HMCN1: variants seen among roughly 807,000 people sequenced by gnomAD.
HMCN1 encodes hemicentin 1, also known as hemicentin-1.
Under a neutral mutation model 625.9 loss-of-function variants are expected in HMCN1, and 321 were observed. The ratio of observed to expected loss-of-function variants is 0.51; its 90% CI spans 0.47 to 0.56. HMCN1 has a LOEUF of 0.56. Among genes scored for constraint, HMCN1 ranks in the 20% least tolerant of loss-of-function variants. The pLI, the probability that HMCN1 is intolerant of heterozygous loss-of-function variation, is 0.00. For synonymous variants in HMCN1, 2,425 were observed against 2,417.6 expected (o/e 1.00, Z -0.09); for missense variants, 6,588 against 6,887.3 (o/e 0.96, Z 1.54).
intron 1 of HMCN1, among the ~76,000 whole-genome samples, chr1:185,744,721 C>G (rs550576532): frequency 2.6e-5 from 4 of 152,296 alleles, no homozygotes; most frequent in Admixed American, 2.6e-4. Context: ...CAAAGGTTTT[C>G]TGGAATAATT....
At chr1:186,015,090 T>C (rs1654271301) in intron 30 of HMCN1, 69 bp from the exon 31 acceptor site, 4 of 1,336,272 alleles carry the variant, frequency 3.0e-6, no homozygotes, top group Non-Finnish European at 4.3e-6. Flanking sequence ...TAAACATCTA[T>C]AGCATTTAAG....
At chr1:185,744,050 G>A (rs1284310889) in intron 1 of HMCN1, among the ~76,000 whole-genome samples, 1 of 143,814 alleles carries the variant, frequency 7.0e-6, no homozygotes, top group East Asian at 2.0e-4. Context: ...GTGCAGTGGC[G>A]CAATCTCGGC....
At chr1:185,767,252 G>A (rs1329065166) in intron 1 of HMCN1, among the ~76,000 whole-genome samples, 2 of 152,026 alleles carry the variant, frequency 1.3e-5, no homozygotes, top group Admixed American at 1.3e-4. Flanking sequence ...TTCAGTGTCC[G>A]CATCCAACTG....
chr1:185,825,310 T>G (rs1660448979), intron 1 of HMCN1, among the ~76,000 whole-genome samples: 1 of 152,178 alleles, frequency 6.6e-6, no homozygotes, highest in Admixed American at 6.5e-5. Context: ...ATTCAGTGCT[T>G]TTTCTATTAT....
intron 11 of HMCN1, among the ~76,000 whole-genome samples, chr1:185,961,177 G>T (rs1649993092): frequency 6.6e-6 from 1 of 152,196 alleles, no homozygotes; most frequent in South Asian, 2.1e-4. Context: ...GCACTAATTA[G>T]CTTCCTTCAG....
In HMCN1 at chr1:186,137,672, C is replaced by T. The variant is rs200482406; in HGVS notation, c.13753+4C>T. 2 of 1,614,028 alleles carry T rather than the reference C, an allele frequency of 1.2e-6. No individual in the cohort carries two copies. The highest frequency in any genetic ancestry group is 1.7e-6 in the Non-Finnish European group (2 of 1,179,960). ...TGTCAAAATAAGCCTTGTCCAGGTA[C>T]ACCTCCTTATTTAACTGATAGGCAT... On this transcript the variant is annotated splice_donor_region_variant and intron_variant, in intron 88 of 106. Coordinates refer to ENST00000271588, the MANE Select transcript of HMCN1 (RefSeq NM_031935.3).
In HMCN1 at chr1:186,172,120, G is replaced by A. The variant is rs1268344564; in HGVS notation, c.15803G>A (p.Gly5268Glu). The change falls in exon 102 of 107, where the codon GGA (glycine) becomes GAA (glutamate). Residue 5268 changes from glycine (G) to glutamate (E), a missense_variant. Physicochemically the swap from Gly to Glu is moderately conservative, Grantham distance 98 (BLOSUM62 -2). Coordinates refer to ENST00000271588, the MANE Select transcript of HMCN1 (RefSeq NM_031935.3). Reference sequence around the variant, plus strand: ...AATGGAATGACCAAGGCAGAAAATGGAACCTGTATTGGTGAGTGTCTGGCT... The same window carrying A: ...AATGGAATGACCAAGGCAGAAAATGAAACCTGTATTGGTGAGTGTCTGGCT... ...CPNGMTKAEN[G>E]TCIDIDECKD... The A allele has an allele frequency of 8.1e-6, 13 of 1,613,764 alleles. No homozygotes were observed. The highest frequency in any genetic ancestry group is 1.1e-5 in the Non-Finnish European group (13 of 1,179,696).
Position 186,178,499 on chromosome 1 carries a change from CCA to C in HMCN1, c.16028_16029del (p.Pro5343ArgfsTer26). On this transcript the variant is annotated frameshift_variant, in exon 104 of 107. Coordinates refer to ENST00000271588, the MANE Select transcript of HMCN1 (RefSeq NM_031935.3). LOFTEE classifies it high-confidence loss of function. ...TPGSFKCICP[P>X]GQHLLGDGKS... ...CGGCAGCTTCAAGTGTATCTGTCCACCAGGACAACATTTATTAGGGGACGGGA... is the reference window on the plus strand; with the variant it reads ...CGGCAGCTTCAAGTGTATCTGTCCACGGACAACATTTATTAGGGGACGGGA... 5 of 1,614,056 alleles carry C rather than the reference CCA, an allele frequency of 3.1e-6. No homozygotes were observed. The highest frequency in any genetic ancestry group is 4.2e-6 in the Non-Finnish European group (5 of 1,179,960).
At chr1:185,901,152 T>C (rs1300927511) in intron 4 of HMCN1, among the ~76,000 whole-genome samples, 1 of 151,910 alleles carries the variant, frequency 6.6e-6, no homozygotes, top group Non-Finnish European at 1.5e-5. Flanking sequence ...ATATTCTAAA[T>C]GGGGGTTGCA....
At chr1:186,068,350 T>C (rs186563822) in intron 50 of HMCN1, among the ~76,000 whole-genome samples, 1 of 152,278 alleles carries the variant, frequency 6.6e-6, no homozygotes, top group Non-Finnish European at 1.5e-5. Flanking sequence ...TAACTCTCCT[T>C]CAAAGTTTAA....
intron 24 of HMCN1, among the ~76,000 whole-genome samples, chr1:185,996,733 AT>A (rs930396493): frequency 3.9e-5 from 6 of 152,130 alleles, no homozygotes; most frequent in Non-Finnish European, 5.9e-5. Context: ...GACGGATTGG[AT>A]ATGAGAGTGA....
At chr1:185,970,051 A>G (rs1650701456) in intron 14 of HMCN1, among the ~76,000 whole-genome samples, 1 of 152,072 alleles carries the variant, frequency 6.6e-6, no homozygotes, top group Non-Finnish European at 1.5e-5. Context: ...CTTGTTACCT[A>G]AGCTTTGGTT....
chr1:186,063,068 A>G (rs1437801110), intron 48 of HMCN1, among the ~76,000 whole-genome samples: 13 of 13,376 alleles, frequency 9.7e-4, no homozygotes, highest in South Asian at 2.7e-3. Context: ...GTGTGTGTGC[A>G]TATATATATA....
At chr1:185,832,851 A>G (rs1349948716) in intron 1 of HMCN1, among the ~76,000 whole-genome samples, 1 of 152,214 alleles carries the variant, frequency 6.6e-6, no homozygotes, top group Non-Finnish European at 1.5e-5. Context: ...TGCAACTTAC[A>G]TTACAGACAA....
rs762706650 is a variant in HMCN1 at position 186,088,317 on chromosome 1, T to C, written c.9577+41T>C. 47 of 1,611,278 alleles carry C rather than the reference T, an allele frequency of 2.9e-5. No individual in the cohort carries two copies. In the Admixed American group the frequency reaches 5.2e-4, roughly 18 times the overall value. ...ATTTTTGTGTGTGTGTGTGTTTTTT[T>C]CTCTTGCTCTTAATTCACTAGACTT... On this transcript the variant is annotated intron_variant, in intron 62 of 106. Coordinates refer to ENST00000271588, the MANE Select transcript of HMCN1 (RefSeq NM_031935.3).
chr1:186,006,371 A>T (rs1056530545), intron 29 of HMCN1, among the ~76,000 whole-genome samples: 1 of 152,142 alleles, frequency 6.6e-6, no homozygotes, highest in Non-Finnish European at 1.5e-5. Flanking sequence ...AGCTATGGAT[A>T]TTCCTGAAAA....
chr1:185,845,160 T>A (rs577873238), intron 1 of HMCN1, among the ~76,000 whole-genome samples: 2 of 152,338 alleles, frequency 1.3e-5, no homozygotes, highest in Non-Finnish European at 2.9e-5. Flanking sequence ...AAAAAAGTTA[T>A]AGGGACTATT....
At chr1:186,084,651 C>T (rs1019595489) in intron 57 of HMCN1, among the ~76,000 whole-genome samples, 1 of 151,936 alleles carries the variant, frequency 6.6e-6, no homozygotes, top group Admixed American at 6.6e-5. Context: ...TTTTGTGGAA[C>T]AGCATTTCAG....
At chr1:185,981,683 A>C (rs1325796350) in intron 17 of HMCN1, among the ~76,000 whole-genome samples, 1 of 152,098 alleles carries the variant, frequency 6.6e-6, no homozygotes, top group Non-Finnish European at 1.5e-5. Context: ...ATATGTCTTC[A>C]TTAGTCTACA....
Sources: allele counts gnomAD v4.1 joint callset (sites outside exome capture counted in the v4.1 genomes callset), GRCh38; gene constraint gnomAD v4.1.1; transcripts MANE v1.5; gene names NCBI Gene and HGNC (gene_info 2026-07-23, HGNC 2026-07-21).